Variants in OTOGL observed in about 807,000 individuals in gnomAD.
The protein encoded by OTOGL is otogelin-like protein.
In OTOGL, 285 loss-of-function variants were observed where a neutral mutation model predicts 318.5. The ratio of observed to expected loss-of-function variants is 0.89; its 90% CI spans 0.81 to 0.99. The LOEUF is 0.99. OTOGL is among the 50% of genes least tolerant of loss of function. The pLI is 0.00. For missense variants in OTOGL, 2,899 were observed against 2,845.6 expected (o/e 1.02, Z -0.43); for synonymous variants, 987 against 936.5 (o/e 1.05, Z -0.99).
At chr12:80,154,395 C>G (rs1872986450) in intron 1 of OTOGL, among the ~76,000 whole-genome samples, 2 of 152,116 alleles carry the variant, frequency 1.3e-5, no homozygotes, top group Admixed American at 6.5e-5. Context: ...TAATCAGAAA[C>G]CACCAACTGT....
intron 54 of OTOGL, among the ~76,000 whole-genome samples, chr12:80,367,998 C>T (rs1436025836): frequency 6.6e-6 from 1 of 152,036 alleles, no homozygotes. Flanking sequence ...ATGAATTTGG[C>T]TGTTAGAAGT....
chr12:80,338,388 A>G (rs1437904224), intron 42 of OTOGL, among the ~76,000 whole-genome samples: 1 of 152,066 alleles, frequency 6.6e-6, no homozygotes, highest in Non-Finnish European at 1.5e-5. Context: ...AACAAGATAT[A>G]AAAATGAGAC....
At chr12:80,158,664 A>G (rs1873290093) in intron 1 of OTOGL, among the ~76,000 whole-genome samples, 1 of 151,982 alleles carries the variant, frequency 6.6e-6, no homozygotes, top group Non-Finnish European at 1.5e-5. Flanking sequence ...AGAGCTGCTG[A>G]TTTGTGTACA....
intron 4 of OTOGL, among the ~76,000 whole-genome samples, chr12:80,214,281 A>G (rs1877513503): frequency 6.6e-6 from 1 of 152,372 alleles, no homozygotes; most frequent in Middle Eastern, 3.4e-3. Context: ...AAGGGAGAAA[A>G]TAAAATATGG....
intron 1 of OTOGL, among the ~76,000 whole-genome samples, chr12:80,187,265 GT>G (rs971596190): frequency 2.6e-4 from 37 of 142,890 alleles, no homozygotes; most frequent in Admixed American, 3.5e-4. Flanking sequence ...GGTTGTTTTT[GT>G]TTTTTTTTTT....
intron 37 of OTOGL, 130 bp downstream of exon 37, chr12:80,329,249 C>G: frequency 1.4e-6 from 1 of 690,560 alleles, no homozygotes; most frequent in Non-Finnish European, 2.2e-6. Context: ...CCAGCAGTCA[C>G]TTTTGCTTCA....
intron 18 of OTOGL, among the ~76,000 whole-genome samples, chr12:80,260,503 T>C (rs1882440318): frequency 6.6e-6 from 1 of 152,152 alleles, no homozygotes; most frequent in Non-Finnish European, 1.5e-5. Flanking sequence ...GAGTGCAAGA[T>C]GATACTTCAG....
chr12:80,146,255 T>C (rs1337422025), intron 1 of OTOGL, among the ~76,000 whole-genome samples: 3 of 146,390 alleles, frequency 2.0e-5, no homozygotes, highest in Non-Finnish European at 4.4e-5. Flanking sequence ...TTATTGAGAG[T>C]TTTTAGCATG....
intron 1 of OTOGL, among the ~76,000 whole-genome samples, chr12:80,155,034 G>C (rs886759584): frequency 6.6e-6 from 1 of 152,158 alleles, no homozygotes; most frequent in South Asian, 2.1e-4. Context: ...GATGATGTAA[G>C]ATGTGGAGCA....
At position 80,123,021 on chromosome 12, in the gene OTOGL, G is replaced by A. The variant is rs541377640; in HGVS notation, c.-20+23416G>A. On this transcript the variant is annotated intron_variant, in intron 1 of 58. Coordinates refer to ENST00000547103, the MANE Select transcript of OTOGL (RefSeq NM_001378609.3). ...GTTTCATTAACATTTTCCTTCACCTGGTGATTTCTTTTCTTTTTTTTTTTA... is the reference window on the plus strand; with the variant it reads ...GTTTCATTAACATTTTCCTTCACCTAGTGATTTCTTTTCTTTTTTTTTTTA... Among the ~76,000 whole-genome samples the A allele has an allele frequency of 2.7e-5, 4 of 150,704 alleles. No individual in the cohort carries two copies. In the South Asian group the frequency reaches 8.4e-4, roughly 32 times the overall value.
intron 1 of OTOGL, among the ~76,000 whole-genome samples, chr12:80,146,754 C>G (rs1360212272): frequency 6.6e-6 from 1 of 151,286 alleles, no homozygotes; most frequent in Non-Finnish European, 1.5e-5. Context: ...TTGGTCTATT[C>G]AGAGATTCAA....
chr12:80,147,085 G>T (rs1872432882), intron 1 of OTOGL, among the ~76,000 whole-genome samples: 1 of 151,154 alleles, frequency 6.6e-6, no homozygotes, highest in South Asian at 2.1e-4. Context: ...GTTATTTCTT[G>T]CCTTCTGCTA....
At chr12:80,268,552 A>C (rs915236998) in intron 22 of OTOGL, among the ~76,000 whole-genome samples, 5 of 152,140 alleles carry the variant, frequency 3.3e-5, no homozygotes, top group Admixed American at 2.0e-4. Context: ...TATCCACATC[A>C]AGACACAGTG....
At chr12:80,152,425 G>A (rs995066907) in intron 1 of OTOGL, among the ~76,000 whole-genome samples, 8 of 152,092 alleles carry the variant, frequency 5.3e-5, no homozygotes, top group Admixed American at 1.3e-4. Flanking sequence ...ATTTCAGCTC[G>A]AAGCTGAAAG....
At chr12:80,358,492 A>G (rs1890044784) in intron 50 of OTOGL, 143 bp downstream of exon 50, 1 of 831,896 alleles carries the variant, frequency 1.2e-6, no homozygotes, top group Non-Finnish European at 1.9e-6. Flanking sequence ...CTCTTTTTGT[A>G]CCTGTTTATA....
In OTOGL at chr12:80,345,120, A is replaced by ATG. The variant is rs150259144; in HGVS notation, c.5265+2960_5265+2961dup. ...TTTATATATTATAATATATATTATT[A>ATG]TGTTATATATTATAATATATATTAT... On this transcript the variant is annotated intron_variant, in intron 44 of 58. Transcript: ENST00000547103. 2.8e-3 allele frequency among the ~76,000 whole-genome samples: 359 copies of ATG among 127,934 alleles called. 9 individuals carry two copies. Among genetic ancestry groups the ATG allele is most frequent in the African/African-American group, 0.011 (352 of 33,246 alleles). The allele number at this position is 127,934 out of a possible 152,430, so 83.9% of individuals were successfully genotyped here.
In OTOGL at chr12:80,164,100, T is replaced by C. The variant is rs531340683; in HGVS notation, c.-19-45313T>C. ...AAATCTTGGCTCTACTGTGTAACTTTGTGAAAATTGGCTATCTAGCTTCAG... is the reference window on the plus strand; with the variant it reads ...AAATCTTGGCTCTACTGTGTAACTTCGTGAAAATTGGCTATCTAGCTTCAG... On this transcript the variant is annotated intron_variant, in intron 1 of 58. Coordinates refer to ENST00000547103, the MANE Select transcript of OTOGL (RefSeq NM_001378609.3). Among the ~76,000 whole-genome samples the C allele has an allele frequency of 2.6e-4, 39 of 152,288 alleles. No homozygotes were observed. The South Asian group carries it at 3.5e-3, about 14-fold the overall frequency.
At chr12:80,331,763 A>G (rs1888087626) in intron 37 of OTOGL, among the ~76,000 whole-genome samples, 1 of 152,210 alleles carries the variant, frequency 6.6e-6, no homozygotes, top group African/African-American at 2.4e-5. Context: ...TCATGTGACT[A>G]AATTAAGATG....
intron 1 of OTOGL, among the ~76,000 whole-genome samples, chr12:80,140,825 T>G (rs1871884482): frequency 6.6e-6 from 1 of 152,200 alleles, no homozygotes; most frequent in Admixed American, 6.5e-5. Context: ...AATTTCTGAC[T>G]AAGAGAGAAG....
Sources: allele counts gnomAD v4.1 joint callset (sites outside exome capture counted in the v4.1 genomes callset), GRCh38; gene constraint gnomAD v4.1.1; transcripts MANE v1.5; gene names NCBI Gene and HGNC (gene_info 2026-07-23, HGNC 2026-07-21).